The following RARA variants were observed in gnomAD, a reference collection of about 807,000 sequenced individuals.
The protein encoded by RARA is retinoic acid receptor alpha, also known as PML-DDX5-RARA fusion.
A neutral mutation model predicts 42.8 loss-of-function variants in RARA; 5 were observed. The observed-to-expected ratio is 0.12, with a 90% CI of 0.06 to 0.25. The LOEUF is 0.25. RARA is among the 10% of genes least tolerant of loss of function. The pLI is 1.00. For missense variants in RARA, 402 were observed against 628.7 expected, an observed-to-expected ratio of 0.64 and a Z score of 3.86; for synonymous variants, 256 against 259.5, an observed-to-expected ratio of 0.99 and a Z score of 0.13.
At chr17:40,315,109 T>C (rs1021527862) in intron 1 of RARA, among the ~76,000 whole-genome samples, 41 of 138,712 alleles carry the variant, frequency 3.0e-4, no homozygotes, top group Non-Finnish European at 5.1e-4. Flanking sequence ...TGTATATATA[T>C]ATATATATAT....
At chr17:40,323,843 G>T (rs192512602) in intron 1 of RARA, among the ~76,000 whole-genome samples, 2,023 of 90,228 alleles carry the variant, frequency 0.022, 27 homozygotes, top group Admixed American at 0.032. Context: ...TGGTGGGGGG[G>T]TGTATTCCTG....
rs1197545228 is a variant in RARA, at chr17:40,354,032, T to C, written c.808-270T>C. Among the ~76,000 whole-genome samples, 1 of 152,006 alleles carries C rather than the reference T, an allele frequency of 6.6e-6. No homozygotes were observed. The highest frequency in any genetic ancestry group is 1.5e-5 in the Non-Finnish European group (1 of 68,032). On this transcript the variant is annotated intron_variant, in intron 6 of 8. Coordinates refer to ENST00000254066, the MANE Select transcript of RARA (RefSeq NM_000964.4). This position sits in a 1 kb window ranked among gnomAD's most constrained non-coding sequence, Gnocchi z 4.5. Reference sequence around the variant, plus strand: ...TAGCTGCTCACCACATGTGACTCTTTAAATTTAAATTAATTAAAATTAAAC... The same window carrying C: ...TAGCTGCTCACCACATGTGACTCTTCAAATTTAAATTAATTAAAATTAAAC...
Position 40,349,769 on chromosome 17 carries a change from C to A in RARA, c.328-15C>A, listed in dbSNP as rs550771163. On this transcript the variant is annotated splice_polypyrimidine_tract_variant and intron_variant, in intron 3 of 8. Transcript: ENST00000254066. ...GTGGGTGTGGACAACCTGACTCCCT[C>A]CCCTCCATACCCAGGGCTTCTTCCG... 13 of 1,613,768 alleles carry A rather than the reference C, an allele frequency of 8.1e-6. No homozygotes were observed. The Admixed American group carries it at 1.8e-4, about 23-fold the overall frequency.
intron 1 of RARA, among the ~76,000 whole-genome samples, chr17:40,321,302 C>T (rs2033370305): frequency 1.3e-5 from 2 of 151,948 alleles, no homozygotes; most frequent in Admixed American, 6.5e-5. Flanking sequence ...TCTCTTGCTT[C>T]GTCTGGATCT....
chr17:40,342,090 A>ACGGGG (rs2034075159), intron 2 of RARA: 3 of 1,028,628 alleles, frequency 2.9e-6, no homozygotes, highest in Non-Finnish European at 3.5e-6. Context: ...CGGTGCCTGG[A>ACGGGG]CGGGGCGGGG....
intron 2 of RARA, chr17:40,341,594 G>A: frequency 7.3e-7 from 1 of 1,363,088 alleles, no homozygotes; most frequent in Non-Finnish European, 9.4e-7. Context: ...GGGCTGGCGA[G>A]CGGGTGATGT....
intron 1 of RARA, among the ~76,000 whole-genome samples, chr17:40,325,441 G>A (rs181395271): frequency 1.3e-3 from 201 of 152,250 alleles, no homozygotes; most frequent in Middle Eastern, 0.01. Flanking sequence ...TGAAAAAGCG[G>A]GGAGTAGTCA....
At position 40,352,221 on chromosome 17, in the gene RARA, G is replaced by A; in HGVS notation, c.631-110G>A. On this transcript the variant is annotated intron_variant, in intron 5 of 8. Coordinates refer to ENST00000254066, the MANE Select transcript of RARA (RefSeq NM_000964.4). The surrounding 1 kb of genome is among the most constrained non-coding windows in gnomAD (Gnocchi z 4.9). The stretch of plus-strand genomic sequence containing the variant: ...CCCTCCTCCTGCTGCCTCTTCCCAA[G>A]GAGCTCCCAGGAAGTGAAGGCTGGG... 1 of 1,500,440 alleles carries A rather than the reference G, an allele frequency of 6.7e-7. No homozygotes were observed. Among genetic ancestry groups the A allele is most frequent in the African/African-American group, 1.4e-5 (1 of 71,322 alleles). The allele number at this position is 1,500,440 out of a possible 1,614,324, so 92.9% of individuals were successfully genotyped here.
chr17:40,351,817 T>C lies in RARA; in HGVS notation c.470-93T>C. 2 of 1,507,874 alleles carry C rather than the reference T, an allele frequency of 1.3e-6. No individual in the cohort carries two copies. Among genetic ancestry groups the C allele is most frequent in the Non-Finnish European group, 1.8e-6 (2 of 1,125,108 alleles). 93.4% of individuals were successfully genotyped at this position (1,507,874 alleles called of 1,614,324 possible). A position where few individuals can be genotyped will look rare whatever the true frequency, so the allele number is the denominator to read the frequency against. ...CGCGTGCTTACAAGCCTGGGTGACCTCCTCAGCAGCTGGCAGCTCTCTGTC... is the reference window on the plus strand; with the variant it reads ...CGCGTGCTTACAAGCCTGGGTGACCCCCTCAGCAGCTGGCAGCTCTCTGTC... On this transcript the variant is annotated intron_variant, in intron 4 of 8. Transcript: ENST00000254066. This position sits in a 1 kb window ranked among gnomAD's most constrained non-coding sequence, Gnocchi z 4.1.
intron 2 of RARA, among the ~76,000 whole-genome samples, chr17:40,340,280 C>T (rs2033992999): frequency 6.6e-6 from 1 of 152,218 alleles, no homozygotes; most frequent in Non-Finnish European, 1.5e-5. Flanking sequence ...ATCCATTCTT[C>T]ACACAACTAC....
chr17:40,331,237 TCCTGC>T lies in RARA; in HGVS notation c.22_26del (p.Cys8AspfsTer42), dbSNP rs777315412. 1 of 1,612,682 alleles carries T rather than the reference TCCTGC, an allele frequency of 6.2e-7. No individual in the cohort carries two copies. Among genetic ancestry groups the T allele is most frequent in the Admixed American group, 1.7e-5 (1 of 59,944 alleles). On this transcript the variant is annotated frameshift_variant, in exon 2 of 9. Transcript: ENST00000254066. LOFTEE classifies it high-confidence loss of function. ...GCTTGGCATGGCCAGCAACAGCAGC[TCCTGC>T]CCGACACCTGGGGGCGGGCACCTCA...
chr17:40,348,354 C>T lies in RARA; in HGVS notation c.217C>T (p.Pro73Ser). 6.2e-7 allele frequency: 1 copy of T among 1,611,834 alleles called. No homozygotes were observed. The highest frequency in any genetic ancestry group is 2.2e-5 in the East Asian group (1 of 44,672). ...GAGCAGCAGTTCTGAAGAGATAGTG[C>T]CCAGCCCTCCCTCGCCACCCCCTCT... The part of the protein sequence containing the change: ...TQSSSSEEIV[P>S]SPPSPPPLPR... The change falls in exon 3 of 9, where the codon CCC becomes TCC. Residue 73 changes from proline to serine, a missense_variant. By Grantham distance (74) the Pro-to-Ser change is moderately conservative. Around this residue, in one of 5 missense-constraint regions of RARA, gnomAD observed 91 missense variants for 105.2 expected, o/e 0.87. Transcript: ENST00000254066.
intron 2 of RARA, among the ~76,000 whole-genome samples, chr17:40,343,815 G>GC (rs2034158464): frequency 6.6e-6 from 1 of 152,124 alleles, no homozygotes; most frequent in South Asian, 2.1e-4. Flanking sequence ...TCTCCTTGTT[G>GC]CCCCCTGCCT....
intron 1 of RARA, among the ~76,000 whole-genome samples, chr17:40,311,712 G>T (rs1269692646): frequency 2.0e-5 from 3 of 152,150 alleles, no homozygotes; most frequent in African/African-American, 7.2e-5. Context: ...GTGGTGCAGG[G>T]CTCCCCTGCA....
At chr17:40,340,554 T>G (rs2034002195) in intron 2 of RARA, among the ~76,000 whole-genome samples, 1 of 152,234 alleles carries the variant, frequency 6.6e-6, no homozygotes, top group Admixed American at 6.5e-5. Context: ...ACTCGCCCTT[T>G]AACTGGAACT....
chr17:40,328,362 C>A (rs928489825), intron 1 of RARA, among the ~76,000 whole-genome samples: 1 of 152,058 alleles, frequency 6.6e-6, no homozygotes, highest in Non-Finnish European at 1.5e-5. Context: ...AATGGACAGT[C>A]CTTATTTTGA....
chr17:40,310,429 G>T (rs1022312233), intron 1 of RARA, among the ~76,000 whole-genome samples: 23 of 152,244 alleles, frequency 1.5e-4, no homozygotes, highest in African/African-American at 5.3e-4. Context: ...TGGTCACACT[G>T]AGGGAACTCC....
chr17:40,341,503 C>T, intron 2 of RARA: 3 of 1,488,412 alleles, frequency 2.0e-6, no homozygotes, highest in Non-Finnish European at 2.7e-6. Context: ...GGCCCTACGC[C>T]TCCTGCCGCC....
At chr17:40,347,650 T>C (rs1260518867) in intron 2 of RARA, among the ~76,000 whole-genome samples, 1 of 152,184 alleles carries the variant, frequency 6.6e-6, no homozygotes, top group African/African-American at 2.4e-5. Context: ...AATAATGGGC[T>C]TTTGGGGCCC....
Sources: allele counts gnomAD v4.1 joint callset (sites outside exome capture counted in the v4.1 genomes callset), GRCh38; gene constraint gnomAD v4.1.1; regional missense constraint gnomAD v4.1.1; non-coding constraint Gnocchi (gnomAD v3.1); transcripts MANE v1.5; gene names NCBI Gene and HGNC (gene_info 2026-07-23, HGNC 2026-07-21).